The following TET3 variants were observed in gnomAD, a reference collection of about 807,000 sequenced individuals.
The protein encoded by TET3 is tet methylcytosine dioxygenase 3.
In TET3, 19 loss-of-function variants were observed where a neutral mutation model predicts 141.4. The observed-to-expected ratio is 0.13, with a 90% CI of 0.09 to 0.20. TET3 has a LOEUF of 0.20. Ranked by LOEUF, TET3 falls within the 10% of genes least tolerant of loss-of-function variation. TET3 has a pLI of 1.00. For synonymous variants in TET3, 1,043 were observed against 980.9 expected (o/e 1.06, Z -1.18); for missense variants, 1,874 against 2,356.9 (o/e 0.80, Z 4.24).
chr2:74,022,071 A>C (rs1491000237), intron 3 of TET3, among the ~76,000 whole-genome samples: 1 of 137,088 alleles, frequency 7.3e-6, no homozygotes, highest in Non-Finnish European at 1.6e-5. Flanking sequence ...AACTCCTGTT[A>C]CTATTTCAGT....
intron 2 of TET3, among the ~76,000 whole-genome samples, chr2:73,990,578 T>A (rs187500442): frequency 2.6e-5 from 4 of 152,154 alleles, no homozygotes; most frequent in Admixed American, 2.6e-4. Flanking sequence ...GAATGACCCT[T>A]AAAAAAATGC....
chr2:74,123,368 C>G, the TET3 span: 1 of 152,568 alleles, frequency 6.6e-6, no homozygotes, highest in Non-Finnish European at 1.5e-5. Context: ...CCTGTAATCC[C>G]AGCACTTTGG....
At chr2:74,088,952 A>G (rs1345169240) in intron 7 of TET3, among the ~76,000 whole-genome samples, 1 of 151,940 alleles carries the variant, frequency 6.6e-6, no homozygotes, top group Non-Finnish European at 1.5e-5. Flanking sequence ...GTGGTGACAC[A>G]TGCCTGTAAT....
At position 74,048,305 on chromosome 2, in the gene TET3, T is replaced by C; in HGVS notation, c.2388T>C (p.Ser796=). 1 of 1,613,806 alleles carries C rather than the reference T, an allele frequency of 6.2e-7. No homozygotes were observed. Among genetic ancestry groups the C allele is most frequent in the Non-Finnish European group, 8.5e-7 (1 of 1,179,836 alleles). ...AGAACCCACTCACACCCACCCTCAG[T>C]GGCTTCTTGGAGTCACCTCTTAAGT... ...KAENPLTPTL[S]GFLESPLKYL... Residue 796 remains serine, a synonymous_variant, in exon 4 of 12, where the codon AGT becomes AGC. Transcript: ENST00000409262.
chr2:74,058,644 C>T (rs1174798625), intron 4 of TET3, among the ~76,000 whole-genome samples: 2 of 151,442 alleles, frequency 1.3e-5, no homozygotes, highest in African/African-American at 4.9e-5. Flanking sequence ...AATACACATA[C>T]AGGAAGATAT....
At chr2:74,051,986 A>G (rs1269143182) in intron 4 of TET3, among the ~76,000 whole-genome samples, 4 of 152,206 alleles carry the variant, frequency 2.6e-5, no homozygotes, top group African/African-American at 9.7e-5. Flanking sequence ...TCTGTTTTCC[A>G]GAATTGTCTG....
Position 74,087,748 on chromosome 2 carries a change from C to G in TET3, c.2680-82C>G. On this transcript the variant is annotated intron_variant, in intron 6 of 11. Transcript: ENST00000409262. This position sits in a 1 kb window ranked among gnomAD's most constrained non-coding sequence, Gnocchi z 4.3. Reference sequence around the variant, plus strand: ...TGCCGTTAAGACCTGCACCCTGGGTCTGTGTGACAAAGGGAGGGGTGGCAC... The same window carrying G: ...TGCCGTTAAGACCTGCACCCTGGGTGTGTGTGACAAAGGGAGGGGTGGCAC... 1.4e-6 allele frequency: 2 copies of G among 1,381,598 alleles called. No individual in the cohort carries two copies. The highest frequency in any genetic ancestry group is 1.9e-6 in the Non-Finnish European group (2 of 1,027,412). The allele number at this position is 1,381,598 out of a possible 1,614,324, so 85.6% of individuals were successfully genotyped here.
chr2:74,098,941 C>T (rs1340649480), intron 10 of TET3, among the ~76,000 whole-genome samples: 2 of 152,216 alleles, frequency 1.3e-5, no homozygotes, highest in East Asian at 3.9e-4. Flanking sequence ...CACTGGGCAA[C>T]GTGGTGCTGT....
chr2:74,035,507 G>A (rs1191122011), intron 3 of TET3, among the ~76,000 whole-genome samples: 1 of 150,876 alleles, frequency 6.6e-6, no homozygotes, highest in Non-Finnish European at 1.5e-5. Flanking sequence ...GGGCATGGTG[G>A]TTTGAGGTCA....
At chr2:74,023,771 CA>C (rs1686193950) in intron 3 of TET3, among the ~76,000 whole-genome samples, 1 of 152,150 alleles carries the variant, frequency 6.6e-6, no homozygotes, top group Non-Finnish European at 1.5e-5. Context: ...TTTAGTAAAG[CA>C]TTTCACAGAT....
chr2:74,086,302 G>A (rs1690157127), intron 6 of TET3, among the ~76,000 whole-genome samples: 2 of 152,040 alleles, frequency 1.3e-5, no homozygotes, highest in Non-Finnish European at 2.9e-5. Context: ...CCAGGACAGT[G>A]TTTAGGAATT....
chr2:74,003,320 T>C (rs997918469), intron 3 of TET3, among the ~76,000 whole-genome samples, 154 bp downstream of exon 3: 5 of 150,754 alleles, frequency 3.3e-5, no homozygotes, highest in Non-Finnish European at 5.9e-5. Context: ...GGCGGGGGTG[T>C]GGGCGGCCAA....
chr2:74,102,244 C>T lies in TET3; in HGVS notation c.*68C>T. ...GCTGTCTCTGTGGTGCTTTTGCCCT[C>T]ATACCTGGGGGCGGGTTGGGGGTGC... On this transcript the variant is annotated 3_prime_UTR_variant, in exon 12 of 12. Transcript: ENST00000409262. 7.3e-7 allele frequency: 1 copy of T among 1,371,204 alleles called. No individual in the cohort carries two copies. Among genetic ancestry groups the T allele is most frequent in the Non-Finnish European group, 9.4e-7 (1 of 1,060,464 alleles). 84.9% of individuals were successfully genotyped at this position (1,371,204 alleles called of 1,614,324 possible). A position where few individuals can be genotyped will look rare whatever the true frequency, so the allele number is the denominator to read the frequency against.
chr2:74,061,018 T>G (rs967582886), intron 4 of TET3, among the ~76,000 whole-genome samples: 16 of 152,222 alleles, frequency 1.1e-4, no homozygotes, highest in African/African-American at 3.6e-4. Context: ...CCGTTCTCAA[T>G]GAGCTGTTGG....
intron 3 of TET3, among the ~76,000 whole-genome samples, chr2:74,013,243 C>T (rs914398536): frequency 2.0e-5 from 3 of 151,972 alleles, no homozygotes; most frequent in Non-Finnish European, 4.4e-5. Flanking sequence ...ATCCGCCCAC[C>T]TCGGCCTCCC....
Position 74,099,472 on chromosome 2 carries a change from C to T in TET3, c.3464C>T (p.Pro1155Leu). The change falls in exon 11 of 12, where the codon CCT becomes CTT. Residue 1155 changes from proline to leucine, a missense_variant. By Grantham distance (98) the Pro-to-Leu change is moderately conservative (BLOSUM62 -3). Around this residue, in one of 10 missense-constraint regions of TET3, gnomAD observed 53 missense variants for 112.8 expected, o/e 0.47. Coordinates refer to ENST00000409262, the MANE Select transcript of TET3 (RefSeq NM_001287491.2). The stretch of plus-strand genomic sequence containing the variant: ...CGCGAGGTCCGACGCCTGCCCGAGC[C>T]TGCCAAGTCCTGCCGCCAGCGGCAG... ...FPREVRRLPE[P>L]AKSCRQRQLE... 6.2e-7 allele frequency: 1 copy of T among 1,613,772 alleles called. No homozygotes were observed. The highest frequency in any genetic ancestry group is 8.5e-7 in the Non-Finnish European group (1 of 1,179,862).
Position 74,046,577 on chromosome 2 carries a change from C to T in TET3, c.660C>T (p.Leu220=), listed in dbSNP as rs375607255. The change falls in exon 4 of 12, where the codon CTC becomes CTT. Residue 220 remains leucine (L), a synonymous_variant. Transcript: ENST00000409262. This position sits in a 1 kb window ranked among gnomAD's most constrained non-coding sequence, Gnocchi z 4.3. ...CTTATGGGGCCCTTAGCACCCGGCT[C>T]TATGAAACCTTCAACCGTGAGATGA... ...VSSYGALSTR[L]YETFNREMSR... 6.8e-6 allele frequency: 11 copies of T among 1,613,928 alleles called. No individual in the cohort carries two copies. The highest frequency in any genetic ancestry group is 5.0e-5 in the Admixed American group (3 of 60,008).
chr2:74,118,188 G>A, the TET3 span, among the ~76,000 whole-genome samples: 2 of 152,210 alleles, frequency 1.3e-5, no homozygotes, highest in East Asian at 1.9e-4. Flanking sequence ...TGGTTTTCAC[G>A]TGTCTTTCAT....
At position 74,048,290 on chromosome 2, in the gene TET3, C is replaced by G; in HGVS notation, c.2373C>G (p.Leu791=). The G allele has an allele frequency of 1.2e-6, 2 of 1,613,904 alleles. No homozygotes were observed. Among genetic ancestry groups the G allele is most frequent in the African/African-American group, 2.7e-5 (2 of 75,044 alleles). The change falls in exon 4 of 12, where the codon CTC becomes CTG. Residue 791 remains leucine (L), a synonymous_variant. Transcript: ENST00000409262. ...CACCCACCAAGGCTGAGAACCCACT[C>G]ACACCCACCCTCAGTGGCTTCTTGG... ...EATPTKAENP[L]TPTLSGFLES...
Sources: allele counts gnomAD v4.1 joint callset (sites outside exome capture counted in the v4.1 genomes callset), GRCh38; gene constraint gnomAD v4.1.1; regional missense constraint gnomAD v4.1.1; non-coding constraint Gnocchi (gnomAD v3.1); transcripts MANE v1.5; gene names NCBI Gene and HGNC (gene_info 2026-07-23, HGNC 2026-07-21).